Variants in OPLAH observed in about 807,000 individuals in gnomAD.
OPLAH encodes the protein 5-oxoprolinase, ATP-hydrolysing.
OPLAH carries 103 observed loss-of-function variants against 122.8 expected under a neutral mutation model. That is an observed-to-expected ratio of 0.84 (90% confidence interval 0.71 to 0.99). The LOEUF (loss-of-function observed/expected upper bound fraction) is 0.99. OPLAH is among the 50% of genes least tolerant of loss of function. The probability of loss-of-function intolerance (pLI) is 0.00; values close to 1 mark genes in which losing one functional copy is unlikely to be tolerated. For missense variants in OPLAH, 1,902 were observed against 1,836.5 expected, an observed-to-expected ratio of 1.04 and a Z score of -0.65; for synonymous variants, 875 against 796.0, an observed-to-expected ratio of 1.10 and a Z score of -1.67.
At chr8:144,050,586 C>A, downstream of OPLAH, 1 of 985,668 alleles carries the variant, frequency 1.0e-6, no homozygotes, top group African/African-American at 1.7e-5. Context: ...TTTCCAGGAT[C>A]CCTGCCGGCT....
Position 144,052,468 on chromosome 8 carries a change from C to A in OPLAH, c.3284G>T (p.Gly1095Val). The A allele has an allele frequency of 6.5e-7, 1 of 1,546,678 alleles. No individual in the cohort carries two copies. Among genetic ancestry groups the A allele is most frequent in the African/African-American group, 1.4e-5 (1 of 73,610 alleles). ...CCGCACCTGGGAGGCGGCGCAGGCC[C>A]CAAAGGCCCCCAGGATGACATCCAC... is the stretch of plus-strand genomic sequence containing the variant. ...RVVDVILGAF[G>V]ACAASQGCMN... Residue 1095 changes from glycine to valine, a missense_variant, in exon 23 of 27, where the codon GGG (glycine) becomes GTG (valine). Gly to Val is a moderately radical substitution (Grantham distance 109). This residue lies in a region of OPLAH where 1,726 missense variants were observed against 1,642.1 expected (regional missense o/e 1.05). Coordinates refer to ENST00000618853, the MANE Select transcript of OPLAH (RefSeq NM_017570.5).
intron 3 of OPLAH, 116 bp downstream of exon 3, chr8:144,059,483 T>C (rs1489967319): frequency 8.9e-7 from 1 of 1,117,820 alleles, no homozygotes; most frequent in African/African-American, 1.6e-5. Flanking sequence ...GCTTCCTCTT[T>C]GTCGGCTGGT....
Position 144,052,890 on chromosome 8 carries a change from A to G in OPLAH, c.3029T>C (p.Val1010Ala). Reference sequence around the variant, plus strand: ...CGGCCCAGTGCCGCTGAAGTCAAACACGGCGCTGCCCTGCGCGCCCCGAGG... The same window carrying G: ...CGGCCCAGTGCCGCTGAAGTCAAACGCGGCGCTGCCCTGCGCGCCCCGAGG... The part of the protein sequence containing the change: ...VQISLSQGSA[V>A]FDFSGTGPEV... The change falls in exon 22 of 27, where the codon GTG (valine) becomes GCG (alanine). Residue 1010 changes from valine to alanine, a missense_variant. Physicochemically the swap from Val to Ala is moderately conservative, Grantham distance 64. Coordinates refer to ENST00000618853, the MANE Select transcript of OPLAH (RefSeq NM_017570.5). The G allele has an allele frequency of 6.4e-7, 1 of 1,556,228 alleles. No homozygotes were observed. The highest frequency in any genetic ancestry group is 1.2e-5 in the South Asian group (1 of 84,572).
At position 144,058,499 on chromosome 8, in the gene OPLAH, G is replaced by C; in HGVS notation, c.780C>G (p.Leu260=). Residue 260 remains leucine (L), a synonymous_variant, in exon 6 of 27, where the codon CTC becomes CTG. Transcript: ENST00000618853. The part of the protein sequence containing the change: ...QGFCRGFQGQ[L]KDVQVLFMRS... ...TGGGGGTGCCTCACAGCCTCACCTTGAGTTGGCCCTGGAAGCCACGGCAGA... is the reference window on the plus strand; with the variant it reads ...TGGGGGTGCCTCACAGCCTCACCTTCAGTTGGCCCTGGAAGCCACGGCAGA... The C allele has an allele frequency of 1.9e-6, 3 of 1,580,234 alleles. No individual in the cohort carries two copies. The highest frequency in any genetic ancestry group is 2.6e-6 in the Non-Finnish European group (3 of 1,166,970).
At chr8:144,059,483 T>A (rs1489967319) in intron 3 of OPLAH, 116 bp downstream of exon 3, 4 of 1,117,820 alleles carry the variant, frequency 3.6e-6, no homozygotes, top group Admixed American at 5.7e-5. Flanking sequence ...GCTTCCTCTT[T>A]GTCGGCTGGT....
intron 23 of OPLAH, 59 bp from the exon 24 acceptor site, chr8:144,052,385 C>G: frequency 6.6e-7 from 1 of 1,516,800 alleles, no homozygotes; most frequent in African/African-American, 1.4e-5. Context: ...ACCTCGCCCT[C>G]CCGCTCCTAC....
upstream of OPLAH, among the ~76,000 whole-genome samples, chr8:144,062,863 G>A (rs1435869668): frequency 6.6e-6 from 1 of 151,668 alleles, no homozygotes; most frequent in Admixed American, 6.6e-5. Flanking sequence ...GCATCCCACT[G>A]CCGTGCACCT....
At chr8:144,050,473 G>A (rs1035384109), downstream of OPLAH, 18 of 985,614 alleles carry the variant, frequency 1.8e-5, no homozygotes, top group Non-Finnish European at 2.0e-5. Context: ...AGCAGGAGAG[G>A]AGGGCGAGGA....
At chr8:144,056,549 A>G (rs1554759167) in intron 13 of OPLAH, 26 bp from the exon 14 acceptor site, 4 of 1,612,230 alleles carry the variant, frequency 2.5e-6, no homozygotes, top group Non-Finnish European at 2.5e-6. Context: ...GGACCCAAGG[A>G]GTGGTCAGAG....
At chr8:144,061,952 G>A (rs1441759831), upstream of OPLAH, among the ~76,000 whole-genome samples, 10 of 151,322 alleles carry the variant, frequency 6.6e-5, no homozygotes, top group East Asian at 1.9e-4. Flanking sequence ...CCCAGGAGGC[G>A]GAGCTTGCAG....
Position 144,051,915 on chromosome 8 carries a change from C to A in OPLAH, c.3622+1G>T, listed in dbSNP as rs1835387346. The A allele has an allele frequency of 6.5e-7, 1 of 1,532,204 alleles. No individual in the cohort carries two copies. The highest frequency in any genetic ancestry group is 8.7e-7 in the Non-Finnish European group (1 of 1,145,714). The allele number at this position is 1,532,204 out of a possible 1,614,324, so 94.9% of individuals were successfully genotyped here. On this transcript the variant is annotated splice_donor_variant, in intron 25 of 26. Coordinates refer to ENST00000618853, the MANE Select transcript of OPLAH (RefSeq NM_017570.5). LOFTEE classifies it high-confidence loss of function. Reference sequence around the variant, plus strand: ...GCCGCGAGGGCTGGGGAACCGCGCACCGTGGAGCCCGTATGGCCGGAAGGC... The same window carrying A: ...GCCGCGAGGGCTGGGGAACCGCGCAACGTGGAGCCCGTATGGCCGGAAGGC...
rs147874057 is a variant in OPLAH at position 144,053,310 on chromosome 8, G to T, written c.2770C>A (p.Arg924Ser). 1.9e-6 allele frequency: 3 copies of T among 1,612,960 alleles called. No individual in the cohort carries two copies. Among genetic ancestry groups the T allele is most frequent in the Non-Finnish European group, 2.5e-6 (3 of 1,179,818 alleles). ...RNLHDNLSDLRAQVAANQKGI... is the reference protein window; with the variant it reads ...RNLHDNLSDLSAQVAANQKGI... ...TTCTGGTTGGCTGCCACCTGGGCAC[G>T]GAGGTCCGACAGGTTGTCGTGCAGG... Residue 924 changes from arginine to serine, a missense_variant, in exon 20 of 27, where the codon CGT becomes AGT. Coordinates refer to ENST00000618853, the MANE Select transcript of OPLAH (RefSeq NM_017570.5).
intron 22 of OPLAH, 25 bp downstream of exon 22, chr8:144,052,741 C>G: frequency 6.4e-7 from 1 of 1,558,774 alleles, no homozygotes; most frequent in Non-Finnish European, 8.7e-7. Flanking sequence ...CTGGGGCCCC[C>G]CCTCGCGCAC....
At chr8:144,054,938 G>C in intron 17 of OPLAH, 25 bp from the exon 18 acceptor site, 1 of 1,538,580 alleles carries the variant, frequency 6.5e-7, no homozygotes, top group South Asian at 1.2e-5. Context: ...TGGGTGCAGA[G>C]TGGGCACAGG....
chr8:144,052,202 G>GT lies in OPLAH; in HGVS notation c.3427dup (p.Thr1143AsnfsTer7), dbSNP rs1835397261. On this transcript the variant is annotated frameshift_variant, in exon 24 of 27. Coordinates refer to ENST00000618853, the MANE Select transcript of OPLAH (RefSeq NM_017570.5). LOFTEE classifies it high-confidence loss of function. ...CAGGATCTCAGGGTCGGTGATGCGT[G>GT]TGTTGGTCATGTGGCTGTGCACACC... is the stretch of plus-strand genomic sequence containing the variant. The GT allele has an allele frequency of 1.3e-6, 2 of 1,583,428 alleles. No homozygotes were observed. Among genetic ancestry groups the GT allele is most frequent in the African/African-American group, 2.7e-5 (2 of 74,272 alleles).
chr8:144,051,780 G>A lies in OPLAH; in HGVS notation c.3669C>T (p.Asn1223=), dbSNP rs781942224. The A allele has an allele frequency of 1.8e-5, 29 of 1,605,640 alleles. No homozygotes were observed. Among genetic ancestry groups the A allele is most frequent in the Non-Finnish European group, 2.3e-5 (27 of 1,178,198 alleles). ...ARGLNLLIRK[N]GRTVNLGGKT... ...TGCCGCCCAGATTCACCGTCCGGCCGTTTTTGCGGATCAGCAGGTTTAGGC... is the reference window on the plus strand; with the variant it reads ...TGCCGCCCAGATTCACCGTCCGGCCATTTTTGCGGATCAGCAGGTTTAGGC... Residue 1223 remains asparagine, a synonymous_variant, in exon 26 of 27, where the codon AAC becomes AAT. Coordinates refer to ENST00000618853, the MANE Select transcript of OPLAH (RefSeq NM_017570.5).
Position 144,053,094 on chromosome 8 carries a change from A to C in OPLAH, c.2907T>G (p.Arg969=). The change falls in exon 21 of 27, where the codon CGT becomes CGG. Residue 969 remains arginine (R), a synonymous_variant. Coordinates refer to ENST00000618853, the MANE Select transcript of OPLAH (RefSeq NM_017570.5). ...NAELAVRDML[R]AFGTSRQARG... is the part of the protein sequence containing the mutation. Reference sequence around the variant, plus strand: ...GGGCCTGCCGGGAGGTTCCAAAGGCACGCAACATGTCTCGCACGGCCAGCT... The same window carrying C: ...GGGCCTGCCGGGAGGTTCCAAAGGCCCGCAACATGTCTCGCACGGCCAGCT... 2 of 1,606,374 alleles carry C rather than the reference A, an allele frequency of 1.2e-6. No individual in the cohort carries two copies. Among genetic ancestry groups the C allele is most frequent in the Non-Finnish European group, 1.7e-6 (2 of 1,177,034 alleles).
chr8:144,050,556 G>A, downstream of OPLAH: 1 of 985,622 alleles, frequency 1.0e-6, no homozygotes, highest in Non-Finnish European at 1.2e-6. Context: ...GCTAGAGCAG[G>A]AGCACGAGCT....
At chr8:144,060,421 G>A (rs931015241) in intron 1 of OPLAH, among the ~76,000 whole-genome samples, 9 of 152,250 alleles carry the variant, frequency 5.9e-5, no homozygotes, top group Admixed American at 2.0e-4. Flanking sequence ...GGAGTGCGGG[G>A]AGGGGGTTTG....
Sources: gnomAD v4.1 joint callset for allele counts (sites outside exome capture counted in the v4.1 genomes callset) on GRCh38, gnomAD v4.1.1 for gene constraint, gnomAD v4.1.1 regional missense constraint, MANE v1.5 for transcripts, NCBI Gene and HGNC (gene_info 2026-07-23, HGNC 2026-07-21) for gene names.